The following TRAPPC9 variants were observed in gnomAD, a reference collection of about 807,000 sequenced individuals.
The protein encoded by TRAPPC9 is trafficking protein particle complex subunit 9.
TRAPPC9 carries 83 observed loss-of-function variants against 124.0 expected under a neutral mutation model. The ratio of observed to expected loss-of-function variants is 0.67; its 90% CI spans 0.56 to 0.80. The LOEUF is 0.80. Ranked by LOEUF, TRAPPC9 falls within the 30% of genes least tolerant of loss-of-function variation. The probability of loss-of-function intolerance (pLI) is 0.00; values close to 1 mark genes in which losing one functional copy is unlikely to be tolerated. For missense variants in TRAPPC9, 1,302 were observed against 1,508.3 expected (o/e 0.86, Z 2.27); for synonymous variants, 638 against 617.5 (o/e 1.03, Z -0.49).
intron 18 of TRAPPC9, among the ~76,000 whole-genome samples, chr8:139,989,048 G>A (rs977637268): frequency 6.6e-6 from 1 of 152,140 alleles, no homozygotes; most frequent in Non-Finnish European, 1.5e-5. Context: ...TCCTCATCAG[G>A]TCCTCCTTGG....
In TRAPPC9 at chr8:140,211,574, A is replaced by T. The variant is rs148240895; in HGVS notation, c.2556+9885T>A. Among the ~76,000 whole-genome samples, 656 of 152,324 alleles carry T rather than the reference A, an allele frequency of 4.3e-3. 3 individuals are homozygous for T. Among genetic ancestry groups the T allele is most frequent in the African/African-American group, 0.014 (588 of 41,564 alleles). On this transcript the variant is annotated intron_variant, in intron 17 of 22. Transcript: ENST00000438773. ...ACCCTGTCTCTTAAGAAAAAAATAT[A>T]AAAGTATATAGAAACTTCATAAACA...
chr8:140,046,652 A>T (rs1329539830), intron 17 of TRAPPC9, among the ~76,000 whole-genome samples: 4 of 152,240 alleles, frequency 2.6e-5, no homozygotes, highest in Admixed American at 1.3e-4. Context: ...TACATCCAAG[A>T]AAGTGCAGTC....
chr8:140,152,341 G>A (rs1458179353), intron 17 of TRAPPC9, among the ~76,000 whole-genome samples: 2 of 148,744 alleles, frequency 1.3e-5, no homozygotes, highest in Non-Finnish European at 3.0e-5. Context: ...AATCAGTTTG[G>A]GTAATATTGC....
chr8:140,254,391 A>C (rs2064200124), intron 15 of TRAPPC9, among the ~76,000 whole-genome samples: 1 of 152,118 alleles, frequency 6.6e-6, no homozygotes, highest in South Asian at 2.1e-4. Context: ...GCCCCTGGGC[A>C]GCTGCTCTCT....
Position 140,151,191 on chromosome 8 carries a change from G to A in TRAPPC9, c.2556+70268C>T, listed in dbSNP as rs572914746. On this transcript the variant is annotated intron_variant, in intron 17 of 22. Transcript: ENST00000438773. ...GCCAGGAGCACAACTCAGCGCTGGT[G>A]GGGAGCACAGCCTCAGGTGGCATCA... Among the ~76,000 whole-genome samples, 7 of 152,264 alleles carry A rather than the reference G, an allele frequency of 4.6e-5. No homozygotes were observed. In the South Asian group the frequency reaches 1.5e-3, roughly 32 times the overall value.
intron 17 of TRAPPC9, among the ~76,000 whole-genome samples, chr8:140,175,455 G>GAC (rs2062047862): frequency 6.6e-6 from 1 of 151,970 alleles, no homozygotes; most frequent in Non-Finnish European, 1.5e-5. Context: ...AAAAAGAGTT[G>GAC]GTTCCAGCAT....
chr8:140,251,502 T>A (rs935052673), intron 16 of TRAPPC9, among the ~76,000 whole-genome samples: 1 of 152,256 alleles, frequency 6.6e-6, no homozygotes, highest in Non-Finnish European at 1.5e-5. Context: ...ATAAAAAGAA[T>A]ATTTTACCAA....
intron 18 of TRAPPC9, among the ~76,000 whole-genome samples, chr8:140,000,987 G>A (rs1205580013): frequency 6.6e-6 from 1 of 152,100 alleles, no homozygotes; most frequent in African/African-American, 2.4e-5. Flanking sequence ...CAACCCAAAT[G>A]TCCATCAATG....
At chr8:140,022,435 T>G (rs1839880216) in intron 18 of TRAPPC9, among the ~76,000 whole-genome samples, 1 of 152,122 alleles carries the variant, frequency 6.6e-6, no homozygotes, top group South Asian at 2.1e-4. Context: ...CACCTACGCT[T>G]CCAAACCTCT....
At chr8:140,072,693 C>CAT (rs113327909) in intron 17 of TRAPPC9, among the ~76,000 whole-genome samples, 2,497 of 150,282 alleles carry the variant, frequency 0.017, 48 homozygotes, top group African/African-American at 0.053. Context: ...ATATTCAATG[C>CAT]ATATATATAT....
At chr8:140,321,705 T>G (rs2066600198) in intron 9 of TRAPPC9, among the ~76,000 whole-genome samples, 3 of 151,818 alleles carry the variant, frequency 2.0e-5, no homozygotes, top group African/African-American at 7.3e-5. Flanking sequence ...TGCAACAGAG[T>G]AGACTCCCAT....
intron 17 of TRAPPC9, among the ~76,000 whole-genome samples, chr8:140,150,187 C>T (rs2061522536): frequency 6.6e-6 from 1 of 152,218 alleles, no homozygotes; most frequent in South Asian, 2.1e-4. Context: ...GTTGCTCACA[C>T]CTGTAATCCC....
At chr8:140,131,041 T>C (rs1359301875) in intron 17 of TRAPPC9, among the ~76,000 whole-genome samples, 1 of 152,228 alleles carries the variant, frequency 6.6e-6, no homozygotes, top group African/African-American at 2.4e-5. Flanking sequence ...ACTGTAAAGA[T>C]ATTTTAAAAG....
chr8:139,936,120 T>G (rs1168964720), intron 19 of TRAPPC9, among the ~76,000 whole-genome samples: 1 of 152,150 alleles, frequency 6.6e-6, no homozygotes, highest in Admixed American at 6.5e-5. Context: ...ACTCTAAAAC[T>G]CCTCACCTGG....
chr8:140,012,482 T>A (rs1286230950), intron 18 of TRAPPC9, among the ~76,000 whole-genome samples: 1 of 152,234 alleles, frequency 6.6e-6, no homozygotes, highest in Admixed American at 6.5e-5. Context: ...TTGCCACGCA[T>A]CAGGCACACA....
At chr8:139,747,784 A>AG (rs1441043941) in intron 21 of TRAPPC9, among the ~76,000 whole-genome samples, 2 of 23,960 alleles carry the variant, frequency 8.3e-5, no homozygotes, top group Admixed American at 5.6e-4. Flanking sequence ...CAGAGCAGGT[A>AG]GGGGGGCGTA....
chr8:140,153,501 A>C (rs1017752210), intron 17 of TRAPPC9, among the ~76,000 whole-genome samples: 1 of 152,110 alleles, frequency 6.6e-6, no homozygotes, highest in Non-Finnish European at 1.5e-5. Flanking sequence ...CATTACAATT[A>C]CCATACTATA....
intron 17 of TRAPPC9, among the ~76,000 whole-genome samples, chr8:140,207,538 C>A (rs542156830): frequency 1.3e-5 from 2 of 152,256 alleles, no homozygotes; most frequent in South Asian, 4.2e-4. Flanking sequence ...TGGTTTTTTT[C>A]CTACTGTCTT....
intron 19 of TRAPPC9, among the ~76,000 whole-genome samples, chr8:139,921,966 C>A (rs1177002063): frequency 1.3e-5 from 2 of 151,976 alleles, no homozygotes; most frequent in Non-Finnish European, 2.9e-5. Flanking sequence ...TGCACACCTG[C>A]CCCTCCCTGC....
Sources: gnomAD v4.1 joint callset for allele counts (sites outside exome capture counted in the v4.1 genomes callset) on GRCh38, gnomAD v4.1.1 for gene constraint, MANE v1.5 for transcripts, NCBI Gene and HGNC (gene_info 2026-07-23, HGNC 2026-07-21) for gene names.